The following FNBP1L variants were observed in gnomAD, a reference collection of about 807,000 sequenced individuals.
FNBP1L encodes formin binding protein 1 like.
In FNBP1L, 36 loss-of-function variants were observed where a neutral mutation model predicts 91.2. The observed-to-expected ratio is 0.39, with a 90% CI of 0.30 to 0.52. The LOEUF (loss-of-function observed/expected upper bound fraction) is 0.52. Among genes scored for constraint, FNBP1L ranks in the 20% least tolerant of loss-of-function variants. FNBP1L has a pLI of 0.66. For missense variants in FNBP1L, 571 were observed against 732.1 expected, an observed-to-expected ratio of 0.78 and a Z score of 2.54; for synonymous variants, 242 against 237.0, an observed-to-expected ratio of 1.02 and a Z score of -0.19.
intron 2 of FNBP1L, 85 bp from the exon 3 acceptor site, chr1:93,521,997 T>C: frequency 2.8e-6 from 2 of 722,798 alleles, no homozygotes; most frequent in South Asian, 2.7e-5. Flanking sequence ...AAATTCATGA[T>C]TGAATGAAAT....
intron 10 of FNBP1L, among the ~76,000 whole-genome samples, chr1:93,539,883 A>G (rs1671972818): frequency 6.6e-6 from 1 of 152,146 alleles, no homozygotes; most frequent in East Asian, 1.9e-4. Context: ...TTTTTGTCAG[A>G]TTATTTATTA....
At chr1:93,480,028 G>A (rs1354109451) in intron 1 of FNBP1L, among the ~76,000 whole-genome samples, 2 of 152,138 alleles carry the variant, frequency 1.3e-5, no homozygotes, top group Non-Finnish European at 1.5e-5. Context: ...GTAAAGACAG[G>A]CATAAGAAAT....
Position 93,552,540 on chromosome 1 carries a change from G to T in FNBP1L, c.*124G>T. 1 of 975,316 alleles carries T rather than the reference G, an allele frequency of 1.0e-6. No individual in the cohort carries two copies. The highest frequency in any genetic ancestry group is 1.5e-6 in the Non-Finnish European group (1 of 680,888). 60.4% of individuals were successfully genotyped at this position (975,316 alleles called of 1,614,324 possible). A position where few individuals can be genotyped will look rare whatever the true frequency, so the allele number is the denominator to read the frequency against. On this transcript the variant is annotated 3_prime_UTR_variant, in exon 17 of 17. Coordinates refer to ENST00000271234, the MANE Select transcript of FNBP1L (RefSeq NM_001164473.3). ...GAAGCAAGTTGCATGAGTGCATGCA[G>T]ACATGATTTTTTTTTTACTAACTTC...
chr1:93,504,208 A>G (rs1432256398), intron 2 of FNBP1L, among the ~76,000 whole-genome samples: 1 of 152,236 alleles, frequency 6.6e-6, no homozygotes, highest in African/African-American at 2.4e-5. Flanking sequence ...ATTTCTGACC[A>G]CATGCTGAAC....
At chr1:93,491,091 C>T (rs1189984438) in intron 1 of FNBP1L, among the ~76,000 whole-genome samples, 2 of 151,932 alleles carry the variant, frequency 1.3e-5, no homozygotes, top group African/African-American at 2.4e-5. Context: ...AGGCATGGGC[C>T]ATGATGCCTG....
intron 1 of FNBP1L, among the ~76,000 whole-genome samples, chr1:93,472,755 T>A (rs888433856): frequency 3.0e-5 from 4 of 134,366 alleles, no homozygotes; most frequent in Non-Finnish European, 6.1e-5. Context: ...GAGCTTGCAG[T>A]GAGCCGAGAT....
chr1:93,477,591 A>G (rs1325367056), intron 1 of FNBP1L, among the ~76,000 whole-genome samples: 2 of 152,252 alleles, frequency 1.3e-5, no homozygotes, highest in African/African-American at 2.4e-5. Context: ...CAGCACAAAA[A>G]TGAATTGTAG....
chr1:93,543,421 C>T (rs1672115390), intron 11 of FNBP1L, among the ~76,000 whole-genome samples: 1 of 152,046 alleles, frequency 6.6e-6, no homozygotes, highest in African/African-American at 2.4e-5. Flanking sequence ...TCAGTAACAA[C>T]TGAGGTATGT....
At chr1:93,546,775 A>G (rs1672255080) in intron 12 of FNBP1L, 67 bp from the exon 13 acceptor site, 5 of 1,563,498 alleles carry the variant, frequency 3.2e-6, no homozygotes, top group East Asian at 2.3e-5. Flanking sequence ...CCAGAGTCCA[A>G]TAAAACTCTT....
intron 1 of FNBP1L, among the ~76,000 whole-genome samples, chr1:93,458,805 AC>A (rs1668759956): frequency 6.6e-6 from 1 of 152,232 alleles, no homozygotes; most frequent in South Asian, 2.1e-4. Context: ...AACTTTTATT[AC>A]TATTTATTGT....
intron 1 of FNBP1L, among the ~76,000 whole-genome samples, chr1:93,461,186 C>T (rs994116133): frequency 1.3e-5 from 2 of 152,078 alleles, no homozygotes; most frequent in Non-Finnish European, 2.9e-5. Context: ...AGTTTTTGAT[C>T]CTTTTAAAGG....
rs372017851 is a variant in FNBP1L at position 93,509,853 on chromosome 1, C to T, written c.140+10270C>T. On this transcript the variant is annotated intron_variant, in intron 2 of 16. Transcript: ENST00000271234. ...CCTAGTCAAAGAAAGGGGAGACAGA[C>T]GGCATCTGGAAAATTGGGTCACTCC... Among the ~76,000 whole-genome samples, 310 of 152,284 alleles carry T rather than the reference C, an allele frequency of 2.0e-3. 2 individuals carry two copies. The highest frequency in any genetic ancestry group is 6.8e-3 in the African/African-American group (283 of 41,588).
intron 1 of FNBP1L, among the ~76,000 whole-genome samples, chr1:93,448,696 G>A (rs890311494): frequency 1.3e-5 from 2 of 152,194 alleles, no homozygotes; most frequent in African/African-American, 4.8e-5. Context: ...CGGAGGCGGG[G>A]GAGGGGGCCC....
chr1:93,448,505 T>C (rs1668350214), intron 1 of FNBP1L, among the ~76,000 whole-genome samples, 200 bp downstream of exon 1: 1 of 152,172 alleles, frequency 6.6e-6, no homozygotes, highest in Non-Finnish European at 1.5e-5. Context: ...CGCTAGTCCG[T>C]GCTCCCGCCT....
chr1:93,521,640 T>G (rs140041627), intron 2 of FNBP1L, among the ~76,000 whole-genome samples: 14 of 152,372 alleles, frequency 9.2e-5, no homozygotes, highest in African/African-American at 3.4e-4. Context: ...AAATGCTATG[T>G]AAATACTTGT....
At chr1:93,490,852 A>G (rs1670068918) in intron 1 of FNBP1L, among the ~76,000 whole-genome samples, 1 of 152,220 alleles carries the variant, frequency 6.6e-6, no homozygotes, top group African/African-American at 2.4e-5. Flanking sequence ...AGGAGGATGT[A>G]TGATCTCAGG....
intron 2 of FNBP1L, among the ~76,000 whole-genome samples, chr1:93,520,234 A>C (rs1402081665): frequency 1.3e-5 from 2 of 152,182 alleles, no homozygotes; most frequent in African/African-American, 4.8e-5. Context: ...CACATAATAG[A>C]CAATTTGTAG....
At chr1:93,541,090 A>G in intron 11 of FNBP1L, 34 bp downstream of exon 11, 1 of 1,526,900 alleles carries the variant, frequency 6.5e-7, no homozygotes, top group Non-Finnish European at 8.8e-7. Flanking sequence ...ATACTGTGCC[A>G]ACATTAAGTA....
At position 93,518,011 on chromosome 1, in the gene FNBP1L, A is replaced by G. The variant is rs147580004; in HGVS notation, c.141-4071A>G. Reference sequence around the variant, plus strand: ...AGTTTAGCATTAAGATTGGCAAGTAATACATGGATGACAAATGGTAATGTC... The same window carrying G: ...AGTTTAGCATTAAGATTGGCAAGTAGTACATGGATGACAAATGGTAATGTC... On this transcript the variant is annotated intron_variant, in intron 2 of 16. Transcript: ENST00000271234. Among the ~76,000 whole-genome samples the G allele has an allele frequency of 1.4e-4, 22 of 152,296 alleles. No homozygotes were observed. In the East Asian group the frequency reaches 4.0e-3, roughly 28 times the overall value.
Sources: gnomAD v4.1 joint callset for allele counts (sites outside exome capture counted in the v4.1 genomes callset) on GRCh38, gnomAD v4.1.1 for gene constraint, MANE v1.5 for transcripts, NCBI Gene and HGNC (gene_info 2026-07-23, HGNC 2026-07-21) for gene names.